Variants in SOX5 observed in about 807,000 individuals in gnomAD.
SOX5 encodes the protein transcription factor SOX-5.
In SOX5, 9 loss-of-function variants were observed where a neutral mutation model predicts 92.0. The ratio of observed to expected loss-of-function variants is 0.10; its 90% CI spans 0.06 to 0.17. SOX5 has a LOEUF of 0.17. Among genes scored for constraint, SOX5 ranks in the 10% least tolerant of loss-of-function variants. SOX5 has a pLI of 1.00. For missense variants in SOX5, 642 were observed against 944.5 expected (o/e 0.68, Z 4.20); for synonymous variants, 344 against 336.3 (o/e 1.02, Z -0.25).
At chr12:23,534,704 CTTTT>C (rs60460683) in intron 14 of SOX5, among the ~76,000 whole-genome samples, 182 bp from the exon 15 acceptor site, 2 of 108,830 alleles carry the variant, frequency 1.8e-5, no homozygotes, top group African/African-American at 3.4e-5. Flanking sequence ...CTTTTCTTTT[CTTTT>C]TTTTTTTTTT....
intron 3 of SOX5, among the ~76,000 whole-genome samples, chr12:23,844,941 C>A (rs1218525067): frequency 6.6e-6 from 1 of 152,128 alleles, no homozygotes; most frequent in East Asian, 1.9e-4. Context: ...CTCTAAAATT[C>A]TTTCCAATTC....
rs1209107545 is a variant in SOX5, at chr12:23,764,004, T to A, written c.482-8280A>T. Reference sequence around the variant, plus strand: ...CCATTTGGATTCAAATAATTTATGATGTCAGCAGCATGTGGGTGGGGAGAT... The same window carrying A: ...CCATTTGGATTCAAATAATTTATGAAGTCAGCAGCATGTGGGTGGGGAGAT... On this transcript the variant is annotated intron_variant, in intron 3 of 14. Coordinates refer to ENST00000451604, the MANE Select transcript of SOX5 (RefSeq NM_006940.6). Among the ~76,000 whole-genome samples the A allele has an allele frequency of 2.6e-5, 4 of 152,026 alleles. No homozygotes were observed. The South Asian group carries it at 6.2e-4, about 24-fold the overall frequency.
At chr12:23,567,198 T>A (rs1592131176) in intron 10 of SOX5, among the ~76,000 whole-genome samples, 1 of 152,194 alleles carries the variant, frequency 6.6e-6, no homozygotes, top group African/African-American at 2.4e-5. Flanking sequence ...AAGAGACATA[T>A]AATGGTTATC....
intron 1 of SOX5, among the ~76,000 whole-genome samples, chr12:24,511,206 A>T (rs565657769): frequency 6.6e-6 from 1 of 152,040 alleles, no homozygotes; most frequent in African/African-American, 2.4e-5. Flanking sequence ...AACCAGAAAA[A>T]TTTTCTTTCA....
At chr12:24,205,217 T>C (rs1026510195) in intron 4 of SOX5, among the ~76,000 whole-genome samples, 3 of 152,206 alleles carry the variant, frequency 2.0e-5, no homozygotes, top group Non-Finnish European at 2.9e-5. Context: ...CATTAGGCTT[T>C]ACACTTTTGA....
chr12:24,442,311 T>C (rs920001876), intron 1 of SOX5, among the ~76,000 whole-genome samples: 3 of 152,240 alleles, frequency 2.0e-5, no homozygotes, highest in Non-Finnish European at 1.5e-5. Flanking sequence ...AACAAACATT[T>C]GTTTAGTTTC....
chr12:23,918,476 A>G lies in SOX5; in HGVS notation c.39-22452T>C, dbSNP rs758089629. On this transcript the variant is annotated intron_variant, in intron 1 of 14. Transcript: ENST00000451604. Reference sequence around the variant, plus strand: ...TAGGATTAACTAAAAATGAGATCGAAAATTTTGCCCAATAACTCATCTCAG... The same window carrying G: ...TAGGATTAACTAAAAATGAGATCGAGAATTTTGCCCAATAACTCATCTCAG... Among the ~76,000 whole-genome samples, 8 of 152,314 alleles carry G rather than the reference A, an allele frequency of 5.3e-5. No individual in the cohort carries two copies. The Middle Eastern group carries it at 0.014, about 259-fold the overall frequency.
chr12:23,650,838 AT>A (rs898373993), intron 7 of SOX5, among the ~76,000 whole-genome samples: 1 of 152,086 alleles, frequency 6.6e-6, no homozygotes, highest in African/African-American at 2.4e-5. Flanking sequence ...GGAAAATAAT[AT>A]TTTTTGTTAG....
At chr12:23,636,700 G>C (rs1416045932) in intron 8 of SOX5, among the ~76,000 whole-genome samples, 1 of 152,118 alleles carries the variant, frequency 6.6e-6, no homozygotes, top group Admixed American at 6.5e-5. Flanking sequence ...TATGAATCCT[G>C]CTACTTCTTT....
At chr12:24,112,185 G>C (rs1947429904) in intron 4 of SOX5, among the ~76,000 whole-genome samples, 1 of 152,194 alleles carries the variant, frequency 6.6e-6, no homozygotes, top group Admixed American at 6.5e-5. Flanking sequence ...ATTAACGAGA[G>C]CCGCCCAGTG....
chr12:23,710,937 C>G (rs564460865), intron 6 of SOX5, among the ~76,000 whole-genome samples: 2 of 152,264 alleles, frequency 1.3e-5, no homozygotes, highest in South Asian at 4.1e-4. Flanking sequence ...ACCATTCTAA[C>G]TGGTGTGAGA....
intron 2 of SOX5, among the ~76,000 whole-genome samples, chr12:23,863,768 C>T (rs1480424882): frequency 1.3e-5 from 2 of 150,236 alleles, no homozygotes; most frequent in Non-Finnish European, 3.0e-5. Context: ...ATTTTGTCAA[C>T]TCCTAAATAA....
chr12:24,056,839 G>C (rs970846220), intron 4 of SOX5, among the ~76,000 whole-genome samples: 2 of 148,964 alleles, frequency 1.3e-5, no homozygotes, highest in Non-Finnish European at 3.0e-5. Flanking sequence ...GCCGGGCGTA[G>C]TGGCGGGCGC....
rs528605989 is a variant in SOX5, at chr12:23,739,368, T to A, written c.741+1499A>T. On this transcript the variant is annotated intron_variant, in intron 5 of 14. Transcript: ENST00000451604. ...ATTTTCCTACTATGTATATTCCAGT[T>A]TTTATTGTCTGATTTCGGCTACTAA... Among the ~76,000 whole-genome samples, 3 of 152,320 alleles carry A rather than the reference T, an allele frequency of 2.0e-5. No individual in the cohort carries two copies. In the South Asian group the frequency reaches 6.2e-4, roughly 32 times the overall value.
At chr12:24,200,095 A>G (rs1957372618) in intron 4 of SOX5, among the ~76,000 whole-genome samples, 2 of 152,218 alleles carry the variant, frequency 1.3e-5, no homozygotes, top group South Asian at 4.1e-4. Context: ...AACACTTCTC[A>G]TGCATTTCAA....
chr12:24,177,244 T>C (rs7133453), intron 4 of SOX5, among the ~76,000 whole-genome samples: 2,967 of 152,248 alleles, frequency 0.019, 85 homozygotes, highest in African/African-American at 0.064. Context: ...ATGTAGAGGG[T>C]AGAAAACTTG....
intron 9 of SOX5, among the ~76,000 whole-genome samples, chr12:23,587,317 A>C (rs751259119): frequency 7.2e-5 from 11 of 152,008 alleles, no homozygotes; most frequent in Non-Finnish European, 1.2e-4. Context: ...TTCACAGATA[A>C]AGAGAAGGAG....
intron 3 of SOX5, among the ~76,000 whole-genome samples, chr12:24,237,590 T>G (rs534584204): frequency 4.7e-5 from 7 of 150,056 alleles, no homozygotes; most frequent in African/African-American, 1.8e-4. Flanking sequence ...CGTAAGACTT[T>G]TTTTTTTTTT....
intron 4 of SOX5, among the ~76,000 whole-genome samples, chr12:24,022,098 T>G (rs1314487463): frequency 6.6e-6 from 1 of 152,198 alleles, no homozygotes; most frequent in Non-Finnish European, 1.5e-5. Flanking sequence ...TGACATGGTC[T>G]TTACAGTTCA....
Sources: gnomAD v4.1 joint callset for allele counts (sites outside exome capture counted in the v4.1 genomes callset) on GRCh38, gnomAD v4.1.1 for gene constraint, MANE v1.5 for transcripts, NCBI Gene and HGNC (gene_info 2026-07-23, HGNC 2026-07-21) for gene names.